The following RCN3 variants were observed in gnomAD, a reference collection of about 807,000 sequenced individuals.
RCN3 encodes reticulocalbin-3.
In RCN3, 41 loss-of-function variants were observed where a neutral mutation model predicts 35.9. That is an observed-to-expected ratio of 1.14 (90% CI 0.89 to 1.48). The LOEUF (loss-of-function observed/expected upper bound fraction) is 1.48, where lower values mean the gene tolerates loss of function less well. Among genes scored for constraint, RCN3 ranks in the 40% most tolerant of loss-of-function variants. The pLI is 0.00. For missense variants in RCN3, 451 were observed against 471.3 expected (o/e 0.96, Z 0.40); for synonymous variants, 187 against 193.4 (o/e 0.97, Z 0.27).
At chr19:49,530,195 C>G (rs1006234295) in intron 2 of RCN3, among the ~76,000 whole-genome samples, 1 of 150,154 alleles carries the variant, frequency 6.7e-6, no homozygotes, top group Non-Finnish European at 1.5e-5. Context: ...GAGTGAGACT[C>G]TGTCTCCCGG....
chr19:49,539,595 T>C (rs191659723), intron 5 of RCN3, among the ~76,000 whole-genome samples: 1 of 132,026 alleles, frequency 7.6e-6, no homozygotes, highest in African/African-American at 3.7e-5. Context: ...CACTGTTTCC[T>C]GTTACATGGG....
In RCN3 at chr19:49,542,680, G is replaced by T. The variant is rs749500148; in HGVS notation, c.807G>T (p.Trp269Cys). Residue 269 changes from tryptophan (W) to cysteine (C), a missense_variant, in exon 6 of 7, where the codon TGG (tryptophan) becomes TGT (cysteine). Transcript: ENST00000270645. The stretch of plus-strand genomic sequence containing the variant: ...TGGATGGGAGTGAGGTGGGCCACTG[G>T]GTGCTGCCCCCTGCCCAGGACCAGC... ...GHLDGSEVGH[W>C]VLPPAQDQPL... The T allele has an allele frequency of 1.3e-6, 2 of 1,598,500 alleles. No individual in the cohort carries two copies. Among genetic ancestry groups the T allele is most frequent in the Admixed American group, 1.8e-5 (1 of 56,348 alleles).
chr19:49,528,903 C>T (rs4296355), intron 2 of RCN3, among the ~76,000 whole-genome samples, 189 bp downstream of exon 2: 14,023 of 152,144 alleles, frequency 0.092, 778 homozygotes, highest in African/African-American at 0.15. Flanking sequence ...CCTTTGAGAC[C>T]GGGCGTGGTG....
rs150367193 is a variant in RCN3, at chr19:49,528,557, C to G, written c.85C>G (p.His29Asp). Residue 29 changes from histidine (H) to aspartate (D), a missense_variant, in exon 2 of 7, where the codon CAT (histidine) becomes GAT (aspartate). Physicochemically the swap from His to Asp is moderately conservative, Grantham distance 81. Coordinates refer to ENST00000270645, the MANE Select transcript of RCN3 (RefSeq NM_020650.3). Reference sequence around the variant, plus strand: ...GAAGCCATCCCCAGACGCAGGCCCTCATGGCCAGGGGAGGGTGCACCAGGC... The same window carrying G: ...GAAGCCATCCCCAGACGCAGGCCCTGATGGCCAGGGGAGGGTGCACCAGGC... ...QGKPSPDAGP[H>D]GQGRVHQAAP... 100 of 1,596,004 alleles carry G rather than the reference C, an allele frequency of 6.3e-5. No homozygotes were observed. The highest frequency in any genetic ancestry group is 4.1e-4 in the Admixed American group (23 of 56,182).
At position 49,543,299 on chromosome 19, in the gene RCN3, C is replaced by G; in HGVS notation, c.*86C>G. 1 of 1,100,238 alleles carries G rather than the reference C, an allele frequency of 9.1e-7. No homozygotes were observed. Among genetic ancestry groups the G allele is most frequent in the Non-Finnish European group, 1.4e-6 (1 of 735,744 alleles). 68.2% of individuals were successfully genotyped at this position (1,100,238 alleles called of 1,614,324 possible). A position where few individuals can be genotyped will look rare whatever the true frequency, so the allele number is the denominator to read the frequency against. ...GGTCTGGCCCCCTCCCTGTCCAGGC[C>G]CCGCAGGAGGCAGATGCAGTCCCAG... On this transcript the variant is annotated 3_prime_UTR_variant, in exon 7 of 7. Transcript: ENST00000270645.
chr19:49,539,405 G>C lies in RCN3; in HGVS notation c.679+226G>C, dbSNP rs143210262. Among the ~76,000 whole-genome samples the C allele has an allele frequency of 1.4e-4, 22 of 152,222 alleles. No homozygotes were observed. The East Asian group carries it at 3.9e-3, about 27-fold the overall frequency. ...CTATTGAGCACCTGCTGTGTGTCAC[G>C]CCCAGGATACACTTACTGAGCACCT... On this transcript the variant is annotated intron_variant, in intron 5 of 6. Transcript: ENST00000270645.
intron 2 of RCN3, 41 bp downstream of exon 2, chr19:49,528,755 C>T (rs747934902): frequency 3.0e-5 from 44 of 1,489,892 alleles, no homozygotes; most frequent in Non-Finnish European, 3.7e-5. Flanking sequence ...AGAGGTGGGG[C>T]TTAGGAGAGA....
chr19:49,530,203 C>T (rs1457446214), intron 2 of RCN3, among the ~76,000 whole-genome samples: 2 of 151,330 alleles, frequency 1.3e-5, no homozygotes, highest in African/African-American at 4.9e-5. Context: ...CTCTGTCTCC[C>T]GGGCTAGAGT....
In RCN3 at chr19:49,537,302, A is replaced by C. The variant is rs1050926723; in HGVS notation, c.618+97A>C. ...TCCCAGCACCGACCTGGGGGCAGGCAGTCACCTGGTTCTCCAGCATCTTGC... is the reference window on the plus strand; with the variant it reads ...TCCCAGCACCGACCTGGGGGCAGGCCGTCACCTGGTTCTCCAGCATCTTGC... On this transcript the variant is annotated intron_variant, in intron 4 of 6. Transcript: ENST00000270645. The C allele has an allele frequency of 7.4e-6, 9 of 1,215,836 alleles. No homozygotes were observed. The Admixed American group carries it at 1.2e-4, about 16-fold the overall frequency. The allele number at this position is 1,215,836 out of a possible 1,614,324, so 75.3% of individuals were successfully genotyped here.
chr19:49,537,158 T>A lies in RCN3; in HGVS notation c.571T>A (p.Phe191Ile). 1 of 1,583,588 alleles carries A rather than the reference T, an allele frequency of 6.3e-7. No individual in the cohort carries two copies. Among genetic ancestry groups the A allele is most frequent in the Admixed American group, 1.8e-5 (1 of 56,168 alleles). ...GGCCACTCGAGAGGAGCTGACAGCC[T>A]TCCTGCACCCCGAGGAGTTCCCTCA... ...SMATREELTAFLHPEEFPHMR... is the reference protein window; with the variant it reads ...SMATREELTAILHPEEFPHMR... Residue 191 changes from phenylalanine (F) to isoleucine (I), a missense_variant, in exon 4 of 7, where the codon TTC becomes ATC. Coordinates refer to ENST00000270645, the MANE Select transcript of RCN3 (RefSeq NM_020650.3).
chr19:49,534,410 C>T lies in RCN3; in HGVS notation c.445+15C>T, dbSNP rs545771254. The T allele has an allele frequency of 1.1e-5, 17 of 1,536,952 alleles. No individual in the cohort carries two copies. The African/African-American group carries it at 1.9e-4, about 18-fold the overall frequency. ...CTACGCGCCCGGTACGCGGCGAGCCCCCGACCCTGCTCCCCATACACCGTG... is the reference window on the plus strand; with the variant it reads ...CTACGCGCCCGGTACGCGGCGAGCCTCCGACCCTGCTCCCCATACACCGTG... On this transcript the variant is annotated intron_variant, in intron 3 of 6. Coordinates refer to ENST00000270645, the MANE Select transcript of RCN3 (RefSeq NM_020650.3).
intron 4 of RCN3, 128 bp downstream of exon 4, chr19:49,537,333 A>G: frequency 4.2e-6 from 4 of 951,756 alleles, no homozygotes; most frequent in Non-Finnish European, 5.8e-6. Flanking sequence ...CTTGCCGGGG[A>G]AGCCAGGCCG....
chr19:49,542,216 AG>A (rs1395656642), intron 5 of RCN3, among the ~76,000 whole-genome samples: 1 of 152,176 alleles, frequency 6.6e-6, no homozygotes, highest in Non-Finnish European at 1.5e-5. Context: ...CTAACTGGCC[AG>A]AAACATCCTC....
intron 5 of RCN3, among the ~76,000 whole-genome samples, chr19:49,542,280 C>T (rs1419519141): frequency 6.6e-6 from 1 of 152,178 alleles, no homozygotes; most frequent in East Asian, 1.9e-4. Context: ...ACTGCCTTGC[C>T]CATTGCACAC....
Position 49,543,190 on chromosome 19 carries a change from A to G in RCN3, c.964A>G (p.Thr322Ala), listed in dbSNP as rs770320231. ...SQATNYGEDLTRHHDEL is the reference protein window; with the variant it reads ...SQATNYGEDLARHHDEL ...GGCCACCAACTATGGCGAGGACCTG[A>G]CCCGGCACCACGATGAGCTGTGAGC... Residue 322 changes from threonine (T) to alanine (A), a missense_variant, in exon 7 of 7, where the codon ACC (threonine) becomes GCC (alanine). By Grantham distance (58) the Thr-to-Ala change is moderately conservative (BLOSUM62 0). Transcript: ENST00000270645. The G allele has an allele frequency of 3.1e-6, 5 of 1,613,444 alleles. No individual in the cohort carries two copies. In the East Asian group the frequency reaches 1.1e-4, roughly 36 times the overall value.
chr19:49,528,746 G>A (rs1216533797), intron 2 of RCN3, 32 bp downstream of exon 2: 1 of 1,526,888 alleles, frequency 6.5e-7, no homozygotes, highest in East Asian at 2.4e-5. Context: ...GGCGTGTCCA[G>A]AGGTGGGGCT....
intron 2 of RCN3, among the ~76,000 whole-genome samples, chr19:49,528,931 C>A (rs1426181818): frequency 6.6e-6 from 1 of 152,162 alleles, no homozygotes; most frequent in Non-Finnish European, 1.5e-5. Flanking sequence ...CCTGTAATCC[C>A]AGCACTTTGG....
intron 2 of RCN3, 37 bp downstream of exon 2, chr19:49,528,751 G>A (rs1014308080): frequency 6.6e-7 from 1 of 1,518,526 alleles, no homozygotes; most frequent in South Asian, 1.3e-5. Flanking sequence ...GTCCAGAGGT[G>A]GGGCTTAGGA....
intron 2 of RCN3, among the ~76,000 whole-genome samples, chr19:49,532,811 G>A (rs1320803654): frequency 6.6e-6 from 1 of 152,160 alleles, no homozygotes; most frequent in African/African-American, 2.4e-5. Context: ...GAGTAGCTGG[G>A]ATTTCAGGTG....
Sources: allele counts gnomAD v4.1 joint callset (sites outside exome capture counted in the v4.1 genomes callset), GRCh38; gene constraint gnomAD v4.1.1; transcripts MANE v1.5; gene names NCBI Gene and HGNC (gene_info 2026-07-23, HGNC 2026-07-21).